NFIX: variants seen among roughly 807,000 people sequenced by gnomAD.
NFIX encodes the protein nuclear factor I X.
A neutral mutation model predicts 53.3 loss-of-function variants in NFIX; 2 were observed. The observed-to-expected ratio is 0.04, with a 90% CI of 0.02 to 0.12. The LOEUF is 0.12. Ranked by LOEUF, NFIX falls within the 10% of genes least tolerant of loss-of-function variation. The pLI is 1.00. For synonymous variants in NFIX, 244 were observed against 289.0 expected (o/e 0.84, Z 1.58); for missense variants, 310 against 674.5 (o/e 0.46, Z 5.99).
At chr19:13,062,522 T>C (rs2016155465) in intron 2 of NFIX, among the ~76,000 whole-genome samples, 1 of 152,212 alleles carries the variant, frequency 6.6e-6, no homozygotes, top group Non-Finnish European at 1.5e-5. Flanking sequence ...GCTGATGGTC[T>C]AGTGGGGTGT....
chr19:13,038,929 C>T, intron 2 of NFIX, among the ~76,000 whole-genome samples: 1 of 152,104 alleles, frequency 6.6e-6, no homozygotes, highest in East Asian at 1.9e-4. Context: ...AGCTAATAAG[C>T]GTGGATGGGG....
intron 2 of NFIX, among the ~76,000 whole-genome samples, chr19:13,064,597 C>T (rs2016291451): frequency 6.6e-6 from 1 of 152,234 alleles, no homozygotes; most frequent in Non-Finnish European, 1.5e-5. Flanking sequence ...CTCTCTGTTG[C>T]TCTTTGTAGA....
Position 13,049,437 on chromosome 19 carries a change from G to T in NFIX, c.560-23610G>T, listed in dbSNP as rs1273728955. Among the ~76,000 whole-genome samples the T allele has an allele frequency of 1.3e-5, 2 of 152,054 alleles. No homozygotes were observed. The highest frequency in any genetic ancestry group is 3.9e-4 in the East Asian group (2 of 5,192). On this transcript the variant is annotated intron_variant, in intron 2 of 10. Transcript: ENST00000592199. The surrounding 1 kb of genome is among the most constrained non-coding windows in gnomAD (Gnocchi z 4.5). ...CAATTCCTCATTCCTCCTAGGCCCT[G>T]GCAACCGCTAATCTGCTTTGTTTCT... is the stretch of plus-strand genomic sequence containing the variant.
At chr19:13,055,227 C>G (rs537013225) in intron 2 of NFIX, among the ~76,000 whole-genome samples, 4 of 151,456 alleles carry the variant, frequency 2.6e-5, no homozygotes, top group African/African-American at 7.3e-5. Flanking sequence ...CCCTCCCCCC[C>G]TCCCCACTCC....
rs539374904 is a variant in NFIX, at chr19:13,078,236, C to T, written c.956-377C>T. Among the ~76,000 whole-genome samples, 4 of 152,226 alleles carry T rather than the reference C, an allele frequency of 2.6e-5. No individual in the cohort carries two copies. The highest frequency in any genetic ancestry group is 7.2e-5 in the African/African-American group (3 of 41,452). ...TACCCCTTCCCGGCTCTCAAGCTGGCGCCCTGGGGTTCCTCCTGCACTCCT... is the reference window on the plus strand; with the variant it reads ...TACCCCTTCCCGGCTCTCAAGCTGGTGCCCTGGGGTTCCTCCTGCACTCCT... On this transcript the variant is annotated intron_variant, in intron 6 of 10. Coordinates refer to ENST00000592199, the MANE Select transcript of NFIX (RefSeq NM_001365902.3). The surrounding 1 kb of genome is among the most constrained non-coding windows in gnomAD (Gnocchi z 4.7).
At chr19:13,047,384 T>A (rs1247454984) in intron 2 of NFIX, among the ~76,000 whole-genome samples, 1 of 152,154 alleles carries the variant, frequency 6.6e-6, no homozygotes, top group Admixed American at 6.5e-5. Flanking sequence ...GCCACATCCA[T>A]TTTCCCGCCA....
intron 5 of NFIX, among the ~76,000 whole-genome samples, chr19:13,075,260 G>C (rs1215924701): frequency 6.6e-6 from 1 of 152,058 alleles, no homozygotes; most frequent in African/African-American, 2.4e-5. Flanking sequence ...TGAGGGTTTT[G>C]CCGACTTCTC....
chr19:13,073,801 C>G lies in NFIX; in HGVS notation c.698-105C>G. 2 of 1,487,560 alleles carry G rather than the reference C, an allele frequency of 1.3e-6. No homozygotes were observed. The highest frequency in any genetic ancestry group is 1.8e-6 in the Non-Finnish European group (2 of 1,086,152). 92.1% of individuals were successfully genotyped at this position (1,487,560 alleles called of 1,614,324 possible). On this transcript the variant is annotated intron_variant, in intron 4 of 10. Transcript: ENST00000592199. The surrounding 1 kb of genome is among the most constrained non-coding windows in gnomAD (Gnocchi z 4.5). ...CACTTTCTCCCATCTCCTGGCCCCACAGTAAACTCACCCTGGGCTTCTGGG... is the reference window on the plus strand; with the variant it reads ...CACTTTCTCCCATCTCCTGGCCCCAGAGTAAACTCACCCTGGGCTTCTGGG...
Position 13,078,629 on chromosome 19 carries a change from GA to G in NFIX, c.974del (p.Lys325SerfsTer76). The G allele has an allele frequency of 6.2e-7, 1 of 1,601,450 alleles. No individual in the cohort carries two copies. Among genetic ancestry groups the G allele is most frequent in the Admixed American group, 1.7e-5 (1 of 58,578 alleles). On this transcript the variant is annotated frameshift_variant, in exon 7 of 11. Transcript: ENST00000592199. LOFTEE classifies it high-confidence loss of function. The surrounding 1 kb of genome is among the most constrained non-coding windows in gnomAD (Gnocchi z 4.7). The part of the protein sequence containing the change: ...DVDAGPASLK[K>X]SGKLDFCSAL... ...TCCCCCCAGGCCCGGCTTCTCTAAA[GA>G]AGTCAGGAAAGCTGGACTTCTGCAG...
rs1213730926 is a variant in NFIX, at chr19:13,021,892, G to A, written c.28-3129G>A. On this transcript the variant is annotated intron_variant, in intron 1 of 10. Coordinates refer to ENST00000592199, the MANE Select transcript of NFIX (RefSeq NM_001365902.3). This position sits in a 1 kb window ranked among gnomAD's most constrained non-coding sequence, Gnocchi z 4.2. ...CCCCAGGTGGCCTGTTTTTGATAGAGCCCTTTGCTGTTTTTTGTTGTGTCC... is the reference window on the plus strand; with the variant it reads ...CCCCAGGTGGCCTGTTTTTGATAGAACCCTTTGCTGTTTTTTGTTGTGTCC... 6.6e-6 allele frequency among the ~76,000 whole-genome samples: 1 copy of A among 152,068 alleles called. No individual in the cohort carries two copies. Among genetic ancestry groups the A allele is most frequent in the Non-Finnish European group, 1.5e-5 (1 of 68,020 alleles).
At position 13,037,475 on chromosome 19, in the gene NFIX, G is replaced by A. The variant is rs1266227099; in HGVS notation, c.559+11923G>A. Among the ~76,000 whole-genome samples, 1 of 152,234 alleles carries A rather than the reference G, an allele frequency of 6.6e-6. No individual in the cohort carries two copies. The highest frequency in any genetic ancestry group is 1.5e-5 in the Non-Finnish European group (1 of 68,050). On this transcript the variant is annotated intron_variant, in intron 2 of 10. Coordinates refer to ENST00000592199, the MANE Select transcript of NFIX (RefSeq NM_001365902.3). The surrounding 1 kb of genome is among the most constrained non-coding windows in gnomAD (Gnocchi z 4.2). ...GGGGAAGAAAGAGGAGACAAGGATA[G>A]TATTCTGGCCCCAGAAGAAACTATG...
intron 1 of NFIX, among the ~76,000 whole-genome samples, chr19:12,997,412 G>A (rs1173135996): frequency 6.6e-6 from 1 of 152,190 alleles, no homozygotes; most frequent in Admixed American, 6.5e-5. Context: ...ACGTGTTGGC[G>A]AGGGCGCACC....
rs1390051722 is a variant in NFIX, at chr19:13,081,163, G to A, written c.1079-517G>A. The stretch of plus-strand genomic sequence containing the variant: ...AAAAAAAAAAAGCAAAAATCTACCA[G>A]GCCTGGTGGCGTGCACCTGTAGTGC... On this transcript the variant is annotated intron_variant, in intron 7 of 10. Coordinates refer to ENST00000592199, the MANE Select transcript of NFIX (RefSeq NM_001365902.3). This position sits in a 1 kb window ranked among gnomAD's most constrained non-coding sequence, Gnocchi z 4.7. Among the ~76,000 whole-genome samples the A allele has an allele frequency of 6.6e-6, 1 of 151,648 alleles. No individual in the cohort carries two copies. Among genetic ancestry groups the A allele is most frequent in the Non-Finnish European group, 1.5e-5 (1 of 67,926 alleles).
chr19:13,039,228 C>CACACACA lies in NFIX; in HGVS notation c.559+13676_559+13677insACACACA, dbSNP rs1555698305. On this transcript the variant is annotated intron_variant, in intron 2 of 10. Coordinates refer to ENST00000592199, the MANE Select transcript of NFIX (RefSeq NM_001365902.3). ...TTTCTTTTAAATTAAACACCCCCCC[C>CACACACA]CACACACACACATACACGTGTGTGT... 4.8e-3 allele frequency among the ~76,000 whole-genome samples: 699 copies of CACACACA among 144,568 alleles called. 6 individuals carry two copies. The highest frequency in any genetic ancestry group is 0.019 in the African/African-American group (681 of 35,176). 94.8% of individuals were successfully genotyped at this position (144,568 alleles called of 152,430 possible). A position where few individuals can be genotyped will look rare whatever the true frequency, so the allele number is the denominator to read the frequency against.
Position 13,090,449 on chromosome 19 carries a change from G to A in NFIX, c.1494+59G>A. The A allele has an allele frequency of 1.3e-6, 2 of 1,504,394 alleles. No homozygotes were observed. The highest frequency in any genetic ancestry group is 2.3e-5 in the South Asian group (2 of 88,874). The allele number at this position is 1,504,394 out of a possible 1,614,324, so 93.2% of individuals were successfully genotyped here. A position where few individuals can be genotyped will look rare whatever the true frequency, so the allele number is the denominator to read the frequency against. On this transcript the variant is annotated intron_variant, in intron 10 of 10. Coordinates refer to ENST00000592199, the MANE Select transcript of NFIX (RefSeq NM_001365902.3). The surrounding 1 kb of genome is among the most constrained non-coding windows in gnomAD (Gnocchi z 6.6). ...ACCAGGGGAGTAGTCAGGGTTGGGG[G>A]GCATCTTGGTGTTAGGGAAGAGCCT... is the stretch of plus-strand genomic sequence containing the variant.
intron 1 of NFIX, among the ~76,000 whole-genome samples, chr19:13,016,234 T>A (rs928323568): frequency 6.6e-6 from 1 of 152,146 alleles, no homozygotes; most frequent in Non-Finnish European, 1.5e-5. Flanking sequence ...TAAATAAAAA[T>A]TTCCTCCAGC....
chr19:13,086,954 C>T (rs377103809), intron 8 of NFIX, among the ~76,000 whole-genome samples: 154 of 152,352 alleles, frequency 1.0e-3, no homozygotes, highest in South Asian at 4.6e-3. Flanking sequence ...CTCTGGGTCT[C>T]GCATCCGGGT....
Position 13,094,655 on chromosome 19 carries a change from T to A in NFIX, c.*6T>A. On this transcript the variant is annotated 3_prime_UTR_variant, in exon 11 of 11. Coordinates refer to ENST00000592199, the MANE Select transcript of NFIX (RefSeq NM_001365902.3). The surrounding 1 kb of genome is among the most constrained non-coding windows in gnomAD (Gnocchi z 4.3). ...TTCAGTCCTGGTTCCTCTGATAAGA[T>A]CGACAAAAGAAACAACAAAATGAGA... The A allele has an allele frequency of 6.5e-7, 1 of 1,535,658 alleles. No individual in the cohort carries two copies. The highest frequency in any genetic ancestry group is 8.7e-7 in the Non-Finnish European group (1 of 1,146,684).
In NFIX at chr19:12,995,619, GGCGGCGGCGGCA is replaced by G. The variant is rs956959301; in HGVS notation, c.-210_-199del. 17 of 145,074 alleles carry G rather than the reference GGCGGCGGCGGCA, an allele frequency of 1.2e-4. No homozygotes were observed. The highest frequency in any genetic ancestry group is 4.0e-4 in the African/African-American group (16 of 40,198). The allele number at this position is 145,074 out of a possible 1,614,324, so 9.0% of individuals were successfully genotyped here. A position where few individuals can be genotyped will look rare whatever the true frequency, so the allele number is the denominator to read the frequency against. On this transcript the variant is annotated 5_prime_UTR_variant, in exon 1 of 11. Coordinates refer to ENST00000592199, the MANE Select transcript of NFIX (RefSeq NM_001365902.3). ...CGCGAGAGGCAGCGGCGAGCGCGGC[GGCGGCGGCGGCA>G]GCGGCGGCCCCGGAGCCGGCGGGGC...
Sources: gnomAD v4.1 joint callset for allele counts (sites outside exome capture counted in the v4.1 genomes callset) on GRCh38, gnomAD v4.1.1 for gene constraint, Gnocchi (gnomAD v3.1) non-coding constraint, MANE v1.5 for transcripts, NCBI Gene and HGNC (gene_info 2026-07-23, HGNC 2026-07-21) for gene names.